DNAH5: variants seen among roughly 807,000 people sequenced by gnomAD.
The protein encoded by DNAH5 is axonemal beta dynein heavy chain 5.
DNAH5 carries 372 observed loss-of-function variants against 518.2 expected under a neutral mutation model. The observed-to-expected ratio is 0.72, with a 90% CI of 0.66 to 0.78. The LOEUF (loss-of-function observed/expected upper bound fraction) is 0.78, where lower values mean the gene tolerates loss of function less well. DNAH5 is among the 30% of genes least tolerant of loss of function. The probability of loss-of-function intolerance (pLI) is 0.00; values close to 1 mark genes in which losing one functional copy is unlikely to be tolerated. For synonymous variants in DNAH5, 2,039 were observed against 2,025.9 expected, an observed-to-expected ratio of 1.01 and a Z score of -0.17; for missense variants, 5,523 against 5,687.0, an observed-to-expected ratio of 0.97 and a Z score of 0.93.
Position 13,758,927 on chromosome 5 carries a change from T to C in DNAH5, c.10338A>G (p.Lys3446=). The C allele has an allele frequency of 6.2e-7, 1 of 1,614,172 alleles. No homozygotes were observed. Among genetic ancestry groups the C allele is most frequent in the East Asian group, 2.2e-5 (1 of 44,878 alleles). Residue 3446 remains lysine (K), a synonymous_variant, in exon 61 of 79, where the codon AAA becomes AAG. Coordinates refer to ENST00000265104, the MANE Select transcript of DNAH5 (RefSeq NM_001369.3). ...RHLLAMQDLQ[K]AQAELDDKQA... is the part of the protein sequence containing the mutation. ...GCTTGTCATCCAACTCGGCCTGGGCTTTCTGCAGATCCTGCATGGCCAGGA... is the reference window on the plus strand; with the variant it reads ...GCTTGTCATCCAACTCGGCCTGGGCCTTCTGCAGATCCTGCATGGCCAGGA...
intron 1 of DNAH5, among the ~76,000 whole-genome samples, chr5:13,965,774 C>T (rs1184977308): frequency 6.6e-6 from 1 of 152,198 alleles, no homozygotes; most frequent in Non-Finnish European, 1.5e-5. Context: ...TCTTCACTAA[C>T]AGCTGTAGTG....
chr5:13,939,044 T>A (rs1022883034), intron 1 of DNAH5, among the ~76,000 whole-genome samples: 2 of 152,216 alleles, frequency 1.3e-5, no homozygotes, highest in African/African-American at 4.8e-5. Flanking sequence ...TACCTGATCC[T>A]TCTTATCTCC....
intron 7 of DNAH5, 85 bp downstream of exon 7, chr5:13,919,091 T>C: frequency 6.6e-7 from 1 of 1,517,146 alleles, no homozygotes; most frequent in Admixed American, 1.7e-5. Flanking sequence ...TAACATTTTT[T>C]TGTTCCTAAT....
intron 65 of DNAH5, among the ~76,000 whole-genome samples, chr5:13,738,627 G>T (rs1579988294): frequency 6.6e-6 from 1 of 152,264 alleles, no homozygotes; most frequent in Non-Finnish European, 1.5e-5. Flanking sequence ...GGGAGAGACA[G>T]AGGAAGAGAA....
intron 59 of DNAH5, among the ~76,000 whole-genome samples, chr5:13,765,383 G>A (rs994647840): frequency 6.6e-6 from 1 of 152,156 alleles, no homozygotes; most frequent in South Asian, 2.1e-4. Flanking sequence ...CAAAACAAAA[G>A]TGTTCATACA....
rs1048565408 is a variant in DNAH5 at position 13,862,707 on chromosome 5, T to C, written c.4637A>G (p.Gln1546Arg). Residue 1546 changes from glutamine to arginine, a missense_variant, in exon 29 of 79, where the codon CAA (glutamine) becomes CGA (arginine). Gln to Arg is a conservative substitution (Grantham distance 43, BLOSUM62 1). This residue lies in a region of DNAH5 where 5,121 missense variants were observed against 5,223.3 expected (regional missense o/e 0.98). Coordinates refer to ENST00000265104, the MANE Select transcript of DNAH5 (RefSeq NM_001369.3). ...ISAVKERDIEQKLKQVINEWD... is the reference protein window; with the variant it reads ...ISAVKERDIERKLKQVINEWD... ...TTCATTAATCACTTGCTTCAGCTTTTGCTCAATGTCTCTCTCTTTCACCGC... is the reference window on the plus strand; with the variant it reads ...TTCATTAATCACTTGCTTCAGCTTTCGCTCAATGTCTCTCTCTTTCACCGC... 11 of 1,613,914 alleles carry C rather than the reference T, an allele frequency of 6.8e-6. No individual in the cohort carries two copies. Among genetic ancestry groups the C allele is most frequent in the Admixed American group, 3.3e-5 (2 of 59,986 alleles).
intron 47 of DNAH5, among the ~76,000 whole-genome samples, chr5:13,804,796 G>C (rs1759318046): frequency 6.6e-6 from 1 of 152,170 alleles, no homozygotes; most frequent in Non-Finnish European, 1.5e-5. Flanking sequence ...TTTGAATATG[G>C]TACCACTTCT....
chr5:13,922,862 A>C (rs1284424956), intron 4 of DNAH5, among the ~76,000 whole-genome samples: 2 of 152,146 alleles, frequency 1.3e-5, no homozygotes, highest in Admixed American at 1.3e-4. Context: ...ATTTGCTCCA[A>C]GAAGATAGTG....
At chr5:13,875,709 T>C (rs1465219827) in intron 22 of DNAH5, among the ~76,000 whole-genome samples, 1 of 152,178 alleles carries the variant, frequency 6.6e-6, no homozygotes, top group Non-Finnish European at 1.5e-5. Flanking sequence ...AGCTTAATAA[T>C]CTAAGTACTA....
At chr5:13,950,757 T>G (rs1780326383) in intron 1 of DNAH5, among the ~76,000 whole-genome samples, 1 of 152,310 alleles carries the variant, frequency 6.6e-6, no homozygotes, top group East Asian at 1.9e-4. Context: ...ACAGTTATGT[T>G]TCATGTTGAG....
At chr5:13,783,431 G>A (rs1372493049) in intron 52 of DNAH5, among the ~76,000 whole-genome samples, 1 of 152,150 alleles carries the variant, frequency 6.6e-6, no homozygotes, top group Non-Finnish European at 1.5e-5. Context: ...CTAGTCTTCT[G>A]ATAGGGAGAC....
intron 29 of DNAH5, 107 bp from the exon 30 acceptor site, chr5:13,859,712 C>T: frequency 9.4e-7 from 1 of 1,062,738 alleles, no homozygotes; most frequent in Non-Finnish European, 1.4e-6. Flanking sequence ...TCTTTACAAC[C>T]TTAATTATGT....
At chr5:13,733,258 A>T (rs1419559507) in intron 68 of DNAH5, among the ~76,000 whole-genome samples, 1 of 152,140 alleles carries the variant, frequency 6.6e-6, no homozygotes, top group Non-Finnish European at 1.5e-5. Context: ...ACATATTTTA[A>T]CTCTCAACTT....
chr5:13,948,808 A>G (rs1780133755), upstream of DNAH5, among the ~76,000 whole-genome samples: 2 of 152,096 alleles, frequency 1.3e-5, no homozygotes, highest in East Asian at 1.9e-4. Flanking sequence ...GAGAGACTGA[A>G]GGCAGTCTCC....
At chr5:13,723,491 G>A (rs1236821460) in intron 70 of DNAH5, among the ~76,000 whole-genome samples, 1 of 152,162 alleles carries the variant, frequency 6.6e-6, no homozygotes, top group East Asian at 1.9e-4. Flanking sequence ...ACTCAGCATT[G>A]ACCCAGTTCA....
At position 13,776,862 on chromosome 5, in the gene DNAH5, A is replaced by C. The variant is rs57734681; in HGVS notation, c.9106-156T>G. 0.11 allele frequency among the ~76,000 whole-genome samples: 17,110 copies of C among 152,218 alleles called. 1,100 individuals carry two copies. The highest frequency in any genetic ancestry group is 0.33 in the East Asian group (1,704 of 5,172). On this transcript the variant is annotated intron_variant, in intron 54 of 78. Coordinates refer to ENST00000265104, the MANE Select transcript of DNAH5 (RefSeq NM_001369.3). ...TCAAGATGAAATACACTACGTTTTA[A>C]AATAAATAAATGATTCTACTATTAA...
At position 13,916,409 on chromosome 5, in the gene DNAH5, AT is replaced by A; in HGVS notation, c.1135del (p.Met379Ter). On this transcript the variant is annotated frameshift_variant, in exon 9 of 79. Coordinates refer to ENST00000265104, the MANE Select transcript of DNAH5 (RefSeq NM_001369.3). LOFTEE classifies it high-confidence loss of function. ...AIPTLINAIK[M>X]IYSISHYYNT... ...ATAGTAATGAGAGATACTATAGATC[AT>A]TTTAATTGCATTTATAAGTGTAGGA... is the stretch of plus-strand genomic sequence containing the variant. The A allele has an allele frequency of 6.4e-7, 1 of 1,555,044 alleles. No individual in the cohort carries two copies. Among genetic ancestry groups the A allele is most frequent in the Non-Finnish European group, 8.9e-7 (1 of 1,128,498 alleles).
chr5:13,887,982 C>T (rs917336323), intron 17 of DNAH5, among the ~76,000 whole-genome samples: 1 of 152,108 alleles, frequency 6.6e-6, no homozygotes, highest in Non-Finnish European at 1.5e-5. Flanking sequence ...TCTTCAAATC[C>T]CTGTGTCCTC....
chr5:14,006,367 C>G (rs1685541034), intron 1 of DNAH5, among the ~76,000 whole-genome samples: 1 of 152,178 alleles, frequency 6.6e-6, no homozygotes, highest in South Asian at 2.1e-4. Context: ...CCAAATCCCA[C>G]AGACTTGGTG....
Sources: gnomAD v4.1 joint callset for allele counts (sites outside exome capture counted in the v4.1 genomes callset) on GRCh38, gnomAD v4.1.1 for gene constraint, gnomAD v4.1.1 regional missense constraint, MANE v1.5 for transcripts, NCBI Gene and HGNC (gene_info 2026-07-23, HGNC 2026-07-21) for gene names.